SLC7A14: variants seen among roughly 807,000 people sequenced by gnomAD.
SLC7A14 encodes solute carrier family 7 member 14.
A neutral mutation model predicts 60.2 loss-of-function variants in SLC7A14; 37 were observed. The observed-to-expected ratio is 0.61, with a 90% CI of 0.47 to 0.81. The LOEUF (loss-of-function observed/expected upper bound fraction) is 0.81, where lower values mean the gene tolerates loss of function less well. Ranked by LOEUF, SLC7A14 falls within the 30% of genes least tolerant of loss-of-function variation. The probability of loss-of-function intolerance (pLI) is 0.00; values close to 1 mark genes in which losing one functional copy is unlikely to be tolerated. For synonymous variants in SLC7A14, 399 were observed against 395.8 expected, an observed-to-expected ratio of 1.01 and a Z score of -0.10; for missense variants, 886 against 982.7, an observed-to-expected ratio of 0.90 and a Z score of 1.32.
chr3:170,481,313 C>T, intron 6 of SLC7A14, 147 bp from the exon 7 acceptor site: 1 of 766,586 alleles, frequency 1.3e-6, no homozygotes, highest in Non-Finnish European at 2.0e-6. Flanking sequence ...GCATTCACTA[C>T]TTTAAATCCA....
rs1739577644 is a variant in SLC7A14, at chr3:170,460,561, A to G, written c.*6494T>C. 1 of 152,200 alleles carries G rather than the reference A, an allele frequency of 6.6e-6. No homozygotes were observed. Among genetic ancestry groups the G allele is most frequent in the African/African-American group, 2.4e-5 (1 of 41,456 alleles). 9.4% of individuals were successfully genotyped at this position (152,200 alleles called of 1,614,324 possible). A position where few individuals can be genotyped will look rare whatever the true frequency, so the allele number is the denominator to read the frequency against. On this transcript the variant is annotated 3_prime_UTR_variant, in exon 8 of 8. Transcript: ENST00000231706. ...ACCAATCAATAGATGTGCATGGAACATTCTCTTCATCCCCAAATCAGAATG... is the reference window on the plus strand; with the variant it reads ...ACCAATCAATAGATGTGCATGGAACGTTCTCTTCATCCCCAAATCAGAATG...
intron 5 of SLC7A14, among the ~76,000 whole-genome samples, chr3:170,484,425 C>G (rs1711949854): frequency 1.3e-5 from 2 of 152,182 alleles, no homozygotes; most frequent in Non-Finnish European, 2.9e-5. Context: ...CTGGGGGCTC[C>G]CAGGACCTAC....
intron 2 of SLC7A14, among the ~76,000 whole-genome samples, chr3:170,503,342 G>C (rs956024288): frequency 1.3e-5 from 2 of 152,182 alleles, no homozygotes; most frequent in African/African-American, 4.8e-5. Context: ...AGAGGAAATG[G>C]TCTTTGAAGA....
chr3:170,508,962 A>G (rs1325943247), intron 2 of SLC7A14, among the ~76,000 whole-genome samples: 7 of 152,194 alleles, frequency 4.6e-5, no homozygotes, highest in Admixed American at 1.3e-4. Flanking sequence ...GGGTCCTGAG[A>G]AACATCTATC....
chr3:170,536,928 C>A (rs1322256624), intron 1 of SLC7A14, among the ~76,000 whole-genome samples: 1 of 152,126 alleles, frequency 6.6e-6, no homozygotes, highest in African/African-American at 2.4e-5. Context: ...TCTGAGCCCC[C>A]AGAAGACAAT....
rs746707738 is a variant in SLC7A14, at chr3:170,480,305, C to G, written c.1977G>C (p.Ala659=). The change falls in exon 7 of 8, where the codon GCG becomes GCC. Residue 659 remains alanine, a synonymous_variant. Coordinates refer to ENST00000231706, the MANE Select transcript of SLC7A14 (RefSeq NM_020949.3). ...GTTGCTTACCCACAAAGCACCAGAC[C>G]GCAAACCGGATCCATGTGATGGTGG... is the stretch of plus-strand genomic sequence containing the variant. ...KLSTITWIRF[A]VWCFVGLLIY... is the part of the protein sequence containing the mutation. 5.1e-5 allele frequency: 79 copies of G among 1,535,940 alleles called. No homozygotes were observed. The highest frequency in any genetic ancestry group is 6.1e-6 in the Non-Finnish European group (7 of 1,141,728).
chr3:170,571,593 A>C (rs1206273497), intron 1 of SLC7A14, among the ~76,000 whole-genome samples: 1 of 152,210 alleles, frequency 6.6e-6, no homozygotes, highest in East Asian at 1.9e-4. Context: ...TTTAGCAACA[A>C]TATTGTTTAG....
intron 2 of SLC7A14, among the ~76,000 whole-genome samples, chr3:170,513,482 A>C: frequency 6.6e-6 from 1 of 152,264 alleles, no homozygotes; most frequent in Non-Finnish European, 1.5e-5. Flanking sequence ...AATAAGGTCT[A>C]CAGATATATT....
At chr3:170,511,234 A>G (rs1360554381) in intron 2 of SLC7A14, among the ~76,000 whole-genome samples, 2 of 151,990 alleles carry the variant, frequency 1.3e-5, no homozygotes, top group Non-Finnish European at 2.9e-5. Flanking sequence ...CCCATCTCTA[A>G]CAAAAATACA....
chr3:170,523,012 G>C lies in SLC7A14; in HGVS notation c.304+3621C>G, dbSNP rs149116487. Among the ~76,000 whole-genome samples the C allele has an allele frequency of 3.6e-3, 541 of 152,276 alleles. 4 individuals are homozygous for C. The highest frequency in any genetic ancestry group is 0.012 in the African/African-American group (509 of 41,534). On this transcript the variant is annotated intron_variant, in intron 2 of 7. Transcript: ENST00000231706. ...GAGATAATAAAACCTACTTTAAAGA[G>C]ATAAAGAGTTTTAAGGGCCACACTC... is the stretch of plus-strand genomic sequence containing the variant.
intron 1 of SLC7A14, among the ~76,000 whole-genome samples, chr3:170,559,865 C>T (rs1211019256): frequency 6.6e-6 from 1 of 152,248 alleles, no homozygotes; most frequent in Non-Finnish European, 1.5e-5. Flanking sequence ...TCTCTGTCCA[C>T]TGGGCTTTCG....
intron 7 of SLC7A14, chr3:170,476,966 A>G (rs1178300509): frequency 2.0e-5 from 3 of 152,270 alleles, no homozygotes; most frequent in Non-Finnish European, 2.9e-5. Context: ...AGAGTTTTCA[A>G]TGTAAAATGA....
intron 2 of SLC7A14, among the ~76,000 whole-genome samples, chr3:170,511,470 G>C (rs1005169476): frequency 6.6e-6 from 1 of 152,146 alleles, no homozygotes; most frequent in Non-Finnish European, 1.5e-5. Flanking sequence ...CCAATTCATT[G>C]ACCCTGTTTC....
At chr3:170,584,758 A>T (rs1454549812) in intron 1 of SLC7A14, among the ~76,000 whole-genome samples, 2 of 152,064 alleles carry the variant, frequency 1.3e-5, no homozygotes, top group African/African-American at 4.8e-5. Flanking sequence ...GAGGAGAGCT[A>T]CCTTGCCCCC....
intron 7 of SLC7A14, among the ~76,000 whole-genome samples, chr3:170,479,078 A>T (rs981922075): frequency 6.6e-5 from 10 of 152,124 alleles, no homozygotes; most frequent in Non-Finnish European, 1.2e-4. Context: ...GCCATGATCA[A>T]GCCACTGCAC....
intron 1 of SLC7A14, among the ~76,000 whole-genome samples, chr3:170,581,848 T>A (rs1338486868): frequency 6.6e-6 from 1 of 152,162 alleles, no homozygotes; most frequent in Non-Finnish European, 1.5e-5. Flanking sequence ...TGTCACCAAG[T>A]AGTATGTGAC....
chr3:170,492,026 A>G (rs1016418761), intron 4 of SLC7A14, among the ~76,000 whole-genome samples: 4 of 152,224 alleles, frequency 2.6e-5, no homozygotes, highest in Non-Finnish European at 5.9e-5. Context: ...TCTTCCTTGC[A>G]AGCAAATGGT....
At chr3:170,547,768 T>C (rs758573228) in intron 1 of SLC7A14, among the ~76,000 whole-genome samples, 32 of 152,204 alleles carry the variant, frequency 2.1e-4, no homozygotes, top group Admixed American at 6.5e-5. Context: ...ATCAGCGATA[T>C]CACATATCCA....
chr3:170,554,963 T>C (rs1193601765), intron 1 of SLC7A14, among the ~76,000 whole-genome samples: 2 of 151,974 alleles, frequency 1.3e-5, no homozygotes, highest in African/African-American at 4.8e-5. Flanking sequence ...GGTCAGGAGT[T>C]CAAGACCAGC....
Sources: gnomAD v4.1 joint callset for allele counts (sites outside exome capture counted in the v4.1 genomes callset) on GRCh38, gnomAD v4.1.1 for gene constraint, MANE v1.5 for transcripts, NCBI Gene and HGNC (gene_info 2026-07-23, HGNC 2026-07-21) for gene names.